The following CDC42SE2 variants were observed in gnomAD, a reference collection of about 807,000 sequenced individuals.
CDC42SE2 encodes the protein CDC42 small effector protein 2.
Under a neutral mutation model 11.5 loss-of-function variants are expected in CDC42SE2, and 3 were observed. The ratio of observed to expected loss-of-function variants is 0.26; its 90% CI spans 0.12 to 0.67. CDC42SE2 has a LOEUF of 0.67. Among genes scored for constraint, CDC42SE2 ranks in the 30% least tolerant of loss-of-function variants. The pLI is 0.80. For synonymous variants in CDC42SE2, 33 were observed against 34.8 expected (o/e 0.95, Z 0.18); for missense variants, 82 against 106.8 (o/e 0.77, Z 1.02).
chr5:131,345,713 T>G (rs1580768974), intron 2 of CDC42SE2, among the ~76,000 whole-genome samples: 2 of 151,092 alleles, frequency 1.3e-5, no homozygotes, highest in East Asian at 3.9e-4. Flanking sequence ...TCACCAAGGT[T>G]GAAATGAAGG....
chr5:131,320,141 T>A (rs1206085741), intron 2 of CDC42SE2, among the ~76,000 whole-genome samples: 1 of 151,174 alleles, frequency 6.6e-6, no homozygotes, highest in East Asian at 1.9e-4. Context: ...CCCGAACACT[T>A]TGGGAGGCCA....
At chr5:131,225,613 A>G in the CDC42SE2 span, among the ~76,000 whole-genome samples, 1 of 152,200 alleles carries the variant, frequency 6.6e-6, no homozygotes, top group East Asian at 1.9e-4. Flanking sequence ...ATTGACCTCT[A>G]TGTTCCGCCA....
In CDC42SE2 at chr5:131,392,694, C is replaced by A. The variant is rs1750698424; in HGVS notation, c.*1603C>A. The A allele has an allele frequency of 6.6e-6, 1 of 152,352 alleles. No homozygotes were observed. Among genetic ancestry groups the A allele is most frequent in the Non-Finnish European group, 1.5e-5 (1 of 68,050 alleles). 9.4% of individuals were successfully genotyped at this position (152,352 alleles called of 1,614,324 possible). The stretch of plus-strand genomic sequence containing the variant: ...TGTTGCGGTCATACTCTCCTCCAGT[C>A]CAATCCTGAGCATCTTCATCTTATT... On this transcript the variant is annotated 3_prime_UTR_variant, in exon 5 of 5. Transcript: ENST00000505065.
At chr5:131,298,407 C>A (rs2149714301) in intron 1 of CDC42SE2, among the ~76,000 whole-genome samples, 2 of 151,976 alleles carry the variant, frequency 1.3e-5, no homozygotes, top group Middle Eastern at 3.4e-3. Flanking sequence ...CAGGCATGAG[C>A]CACCGCGCCC....
intron 1 of CDC42SE2, among the ~76,000 whole-genome samples, chr5:131,286,086 A>G (rs148427345): frequency 7.2e-6 from 1 of 139,090 alleles, no homozygotes; most frequent in East Asian, 2.1e-4. Context: ...ACAGGGTCTC[A>G]CTGTGTCACC....
At chr5:131,329,400 A>G (rs567072706) in intron 2 of CDC42SE2, among the ~76,000 whole-genome samples, 2 of 151,686 alleles carry the variant, frequency 1.3e-5, no homozygotes, top group African/African-American at 4.8e-5. Context: ...TTTCTTCCCT[A>G]CGGTTGATTT....
At chr5:131,231,899 C>G in the CDC42SE2 span, among the ~76,000 whole-genome samples, 1,625 of 152,070 alleles carry the variant, frequency 0.011, 32 homozygotes, top group African/African-American at 0.037. Context: ...TCAAGCGATT[C>G]TCCTGCCTCA....
At chr5:131,384,745 T>C (rs1302678024) in intron 3 of CDC42SE2, among the ~76,000 whole-genome samples, 1 of 151,918 alleles carries the variant, frequency 6.6e-6, no homozygotes, top group Non-Finnish European at 1.5e-5. Flanking sequence ...CTAAAGTTAC[T>C]GGAAAATGGG....
chr5:131,260,360 C>T (rs555211356), upstream of CDC42SE2, among the ~76,000 whole-genome samples: 95 of 152,278 alleles, frequency 6.2e-4, no homozygotes, highest in African/African-American at 2.1e-3. Flanking sequence ...CGGTGGCTCC[C>T]GCCTGTAATC....
intron 2 of CDC42SE2, among the ~76,000 whole-genome samples, chr5:131,334,887 T>A (rs1429625004): frequency 1.3e-5 from 2 of 152,176 alleles, no homozygotes; most frequent in Non-Finnish European, 2.9e-5. Context: ...TAGCGGTCTA[T>A]CAATTTTGTT....
At chr5:131,278,981 C>T (rs1416080019) in intron 1 of CDC42SE2, among the ~76,000 whole-genome samples, 1 of 150,974 alleles carries the variant, frequency 6.6e-6, no homozygotes, top group Non-Finnish European at 1.5e-5. Flanking sequence ...AACAGGGTTT[C>T]ATCATGTTGG....
At chr5:131,349,115 G>T (rs1580771768) in intron 2 of CDC42SE2, among the ~76,000 whole-genome samples, 1 of 152,090 alleles carries the variant, frequency 6.6e-6, no homozygotes, top group South Asian at 2.1e-4. Flanking sequence ...AAAAGCAATG[G>T]CAACAAAAGC....
intron 2 of CDC42SE2, among the ~76,000 whole-genome samples, chr5:131,335,608 C>T (rs1280917075): frequency 6.6e-6 from 1 of 152,124 alleles, no homozygotes; most frequent in African/African-American, 2.4e-5. Flanking sequence ...ATCTAAGTCT[C>T]TTTGTAGGTC....
upstream of CDC42SE2, among the ~76,000 whole-genome samples, chr5:131,242,534 A>G (rs895044526): frequency 3.9e-5 from 6 of 152,142 alleles, no homozygotes; most frequent in Admixed American, 6.5e-5. Context: ...TATTCATCAA[A>G]TGGGTCTGGT....
chr5:131,375,753 A>G (rs889805311), intron 3 of CDC42SE2, among the ~76,000 whole-genome samples: 5 of 152,250 alleles, frequency 3.3e-5, no homozygotes, highest in African/African-American at 4.8e-5. Context: ...TGAAGAGCAG[A>G]TATTTTTCCA....
intron 3 of CDC42SE2, among the ~76,000 whole-genome samples, chr5:131,363,805 C>G (rs1749780388): frequency 6.6e-6 from 1 of 150,970 alleles, no homozygotes; most frequent in Non-Finnish European, 1.5e-5. Context: ...AGACAATTCT[C>G]CTGCCTCAGC....
chr5:131,285,216 T>A (rs1413063981), intron 1 of CDC42SE2, among the ~76,000 whole-genome samples: 1 of 151,708 alleles, frequency 6.6e-6, no homozygotes, highest in Admixed American at 6.6e-5. Flanking sequence ...GCCTGGAAGG[T>A]TGAGGCTGTA....
At chr5:131,287,213 T>A (rs1580732325) in intron 1 of CDC42SE2, among the ~76,000 whole-genome samples, 1 of 152,208 alleles carries the variant, frequency 6.6e-6, no homozygotes, top group African/African-American at 2.4e-5. Context: ...CATGCTGGTC[T>A]CAAACTCCTG....
At chr5:131,215,931 A>G in the CDC42SE2 span, among the ~76,000 whole-genome samples, 2 of 152,210 alleles carry the variant, frequency 1.3e-5, no homozygotes, top group African/African-American at 4.8e-5. Flanking sequence ...ATAAATTGCT[A>G]TTGGAAATGT....
Sources: allele counts gnomAD v4.1 joint callset (sites outside exome capture counted in the v4.1 genomes callset), GRCh38; gene constraint gnomAD v4.1.1; transcripts MANE v1.5; gene names NCBI Gene and HGNC (gene_info 2026-07-23, HGNC 2026-07-21).